Variants in CA10 observed in about 807,000 individuals in gnomAD.
CA10 encodes the protein carbonic anhydrase-related protein 10.
CA10 carries 14 observed loss-of-function variants against 44.2 expected under a neutral mutation model. The ratio of observed to expected loss-of-function variants is 0.32; its 90% confidence interval spans 0.21 to 0.50. The LOEUF (loss-of-function observed/expected upper bound fraction) is 0.50, where lower values mean the gene tolerates loss of function less well. Ranked by LOEUF, CA10 falls within the 20% of genes least tolerant of loss-of-function variation. The probability of loss-of-function intolerance (pLI) is 0.99; values close to 1 mark genes in which losing one functional copy is unlikely to be tolerated. For synonymous variants in CA10, 159 were observed against 141.6 expected, an observed-to-expected ratio of 1.12 and a Z score of -0.87; for missense variants, 350 against 409.7, an observed-to-expected ratio of 0.85 and a Z score of 1.26.
chr17:52,019,175 G>T (rs530468983), intron 2 of CA10, among the ~76,000 whole-genome samples: 51 of 152,104 alleles, frequency 3.4e-4, no homozygotes, highest in South Asian at 1.0e-3. Flanking sequence ...TTCCTTTATA[G>T]CAGCACAAAA....
chr17:51,986,820 C>A (rs1289526515), intron 2 of CA10, among the ~76,000 whole-genome samples: 1 of 151,982 alleles, frequency 6.6e-6, no homozygotes, highest in South Asian at 2.1e-4. Flanking sequence ...CCACCTTACT[C>A]CTGCAAGAAT....
intron 3 of CA10, among the ~76,000 whole-genome samples, chr17:51,805,248 A>G (rs1031013082): frequency 6.6e-6 from 1 of 152,182 alleles, no homozygotes; most frequent in Non-Finnish European, 1.5e-5. Context: ...ATCTTCCACT[A>G]TTCTATTCAT....
At chr17:52,000,294 G>A (rs886431209) in intron 2 of CA10, among the ~76,000 whole-genome samples, 1 of 152,004 alleles carries the variant, frequency 6.6e-6, no homozygotes, top group Non-Finnish European at 1.5e-5. Context: ...TGAATATCCT[G>A]GTTTCATGCA....
chr17:51,759,201 G>A (rs565113449), intron 3 of CA10, among the ~76,000 whole-genome samples: 50 of 151,948 alleles, frequency 3.3e-4, no homozygotes, highest in Admixed American at 8.5e-4. Context: ...TATGCCAACT[G>A]GATAAAGTTA....
At chr17:51,905,007 A>C (rs909836733) in intron 3 of CA10, among the ~76,000 whole-genome samples, 2 of 152,140 alleles carry the variant, frequency 1.3e-5, no homozygotes, top group African/African-American at 2.4e-5. Context: ...CAACCTCCTA[A>C]GGTGGCTGCT....
chr17:51,763,079 T>G (rs117703943), intron 3 of CA10: 1 of 152,328 alleles, frequency 6.6e-6, no homozygotes, highest in South Asian at 2.1e-4. Context: ...AAGCCCAATG[T>G]CATGATTATC....
At chr17:51,869,900 T>C (rs1979725926) in intron 3 of CA10, among the ~76,000 whole-genome samples, 1 of 152,232 alleles carries the variant, frequency 6.6e-6, no homozygotes, top group Non-Finnish European at 1.5e-5. Context: ...TAAAGCACTG[T>C]ATAAAGATGT....
At chr17:51,745,980 T>G (rs1567825501) in intron 4 of CA10, among the ~76,000 whole-genome samples, 1 of 152,250 alleles carries the variant, frequency 6.6e-6, no homozygotes, top group Non-Finnish European at 1.5e-5. Context: ...AATTGTGACT[T>G]TCTGTCCTGC....
chr17:51,758,096 C>A (rs1235344403), intron 3 of CA10, among the ~76,000 whole-genome samples: 3 of 151,934 alleles, frequency 2.0e-5, no homozygotes, highest in African/African-American at 7.3e-5. Flanking sequence ...GGTTTTTTTC[C>A]CTTAGTAATG....
At chr17:52,108,060 G>A (rs562630792) in intron 1 of CA10, among the ~76,000 whole-genome samples, 14 of 151,470 alleles carry the variant, frequency 9.2e-5, no homozygotes, top group South Asian at 8.3e-4. Context: ...AATTAGCCAC[G>A]CACTTATTCT....
chr17:51,700,351 C>A (rs541043245), intron 4 of CA10, among the ~76,000 whole-genome samples: 2 of 152,290 alleles, frequency 1.3e-5, no homozygotes, highest in East Asian at 3.9e-4. Context: ...CTCTCCACCC[C>A]ACTCAGAGCA....
chr17:51,865,142 A>C (rs202136), intron 3 of CA10, among the ~76,000 whole-genome samples: 141,741 of 152,186 alleles, frequency 0.93, 66,137 homozygotes, highest in African/African-American at 0.99. Context: ...GTATACATCA[A>C]ATTGCATTTA....
In CA10 at chr17:52,070,004, A is replaced by G. The variant is rs897112017; in HGVS notation, c.136+2315T>C. On this transcript the variant is annotated intron_variant, in intron 2 of 8. Coordinates refer to ENST00000451037, the MANE Select transcript of CA10 (RefSeq NM_020178.5). ...AGAGGTAAGGGGTCCATTGTTTGCC[A>G]CAAGTACCCACTCAGATAAAGTAGG... Among the ~76,000 whole-genome samples, 4 of 152,354 alleles carry G rather than the reference A, an allele frequency of 2.6e-5. No individual in the cohort carries two copies. In the South Asian group the frequency reaches 6.2e-4, roughly 24 times the overall value.
rs993981169 is a variant in CA10 at position 52,153,377 on chromosome 17, G to A, written c.61+4349C>T. On this transcript the variant is annotated intron_variant, in intron 1 of 8. Coordinates refer to ENST00000451037, the MANE Select transcript of CA10 (RefSeq NM_020178.5). ...TCAAGCCATATTGAAAGCATATGTCGTTTGCCAGTGTTGAGGCACTTTAAA... is the reference window on the plus strand; with the variant it reads ...TCAAGCCATATTGAAAGCATATGTCATTTGCCAGTGTTGAGGCACTTTAAA... Among the ~76,000 whole-genome samples the A allele has an allele frequency of 3.9e-5, 6 of 152,072 alleles. 1 individual carries two copies. Among genetic ancestry groups the A allele is most frequent in the South Asian group, 4.1e-4 (2 of 4,822 alleles).
intron 1 of CA10, among the ~76,000 whole-genome samples, chr17:52,133,405 A>G (rs1459403703): frequency 6.6e-6 from 1 of 152,172 alleles, no homozygotes; most frequent in Non-Finnish European, 1.5e-5. Context: ...ACTGTCAGAG[A>G]TCCGCAATGC....
chr17:52,086,233 G>A (rs746575865), intron 1 of CA10, among the ~76,000 whole-genome samples: 2 of 152,096 alleles, frequency 1.3e-5, no homozygotes, highest in Non-Finnish European at 1.5e-5. Flanking sequence ...GTTTACCTGC[G>A]AGAACAGGCA....
At chr17:51,733,964 A>G (rs1916807392) in intron 4 of CA10, among the ~76,000 whole-genome samples, 1 of 152,152 alleles carries the variant, frequency 6.6e-6, no homozygotes, top group African/African-American at 2.4e-5. Context: ...GGGAGGTGCA[A>G]AATGACTGAG....
At chr17:51,691,116 T>C (rs1183244708) in intron 4 of CA10, among the ~76,000 whole-genome samples, 1 of 152,220 alleles carries the variant, frequency 6.6e-6, no homozygotes, top group Non-Finnish European at 1.5e-5. Context: ...CTGGATCATA[T>C]GGTGGTTTTA....
At chr17:52,016,011 A>G (rs552056508) in intron 2 of CA10, among the ~76,000 whole-genome samples, 1 of 152,184 alleles carries the variant, frequency 6.6e-6, no homozygotes, top group South Asian at 2.1e-4. Flanking sequence ...AGAGGTAGAC[A>G]TTGGAGTCTA....
Sources: allele counts gnomAD v4.1 joint callset (sites outside exome capture counted in the v4.1 genomes callset), GRCh38; gene constraint gnomAD v4.1.1; transcripts MANE v1.5; gene names NCBI Gene and HGNC (gene_info 2026-07-23, HGNC 2026-07-21).